The following DDX46 variants were observed in gnomAD, a reference collection of about 807,000 sequenced individuals.
DDX46 encodes DEAD-box helicase 46.
In DDX46, 30 loss-of-function variants were observed where a neutral mutation model predicts 134.9. The ratio of observed to expected loss-of-function variants is 0.22; its 90% CI spans 0.17 to 0.30. The LOEUF (loss-of-function observed/expected upper bound fraction) is 0.30, where lower values mean the gene tolerates loss of function less well. DDX46 is among the 10% of genes least tolerant of loss of function. DDX46 has a pLI of 1.00. For missense variants in DDX46, 622 were observed against 1,248.7 expected, an observed-to-expected ratio of 0.50 and a Z score of 7.56; for synonymous variants, 415 against 404.1, an observed-to-expected ratio of 1.03 and a Z score of -0.32.
chr5:134,785,354 C>A, intron 10 of DDX46, 111 bp from the exon 11 acceptor site: 1 of 1,339,764 alleles, frequency 7.5e-7, no homozygotes, highest in Non-Finnish European at 9.7e-7. Flanking sequence ...CATAACAAAA[C>A]AAAAATTAGG....
chr5:134,787,508 TTTG>T (rs1754374833), intron 11 of DDX46, among the ~76,000 whole-genome samples: 2 of 152,252 alleles, frequency 1.3e-5, no homozygotes, highest in South Asian at 2.1e-4. Context: ...AATATTTGCT[TTTG>T]TTAACTCCAG....
intron 22 of DDX46, among the ~76,000 whole-genome samples, chr5:134,827,337 C>T (rs1000443401): frequency 3.3e-5 from 5 of 151,744 alleles, no homozygotes; most frequent in African/African-American, 9.7e-5. Context: ...TGCAGTGGCA[C>T]GATCTCGGCT....
At chr5:134,820,859 CTTTTCTT>C (rs1430612866) in intron 21 of DDX46, among the ~76,000 whole-genome samples, 230 of 136,970 alleles carry the variant, frequency 1.7e-3, no homozygotes, top group African/African-American at 6.2e-3. Flanking sequence ...CTTTTCTTTT[CTTTTCTT>C]TTTTTTTTTT....
intron 4 of DDX46, among the ~76,000 whole-genome samples, chr5:134,772,346 A>T (rs1753799146): frequency 6.6e-6 from 1 of 151,872 alleles, no homozygotes; most frequent in Non-Finnish European, 1.5e-5. Flanking sequence ...CCATGGTGAA[A>T]CCCTGTCTCT....
intron 15 of DDX46, 52 bp from the exon 16 acceptor site, chr5:134,807,696 A>G: frequency 6.6e-7 from 1 of 1,516,058 alleles, no homozygotes; most frequent in African/African-American, 1.4e-5. Context: ...TGGTCAGAAG[A>G]CATGGAAAAT....
chr5:134,781,344 G>C, intron 7 of DDX46, 98 bp downstream of exon 7: 4 of 904,412 alleles, frequency 4.4e-6, no homozygotes, highest in Non-Finnish European at 6.8e-6. Flanking sequence ...TGTGAGCTAG[G>C]AGAAATTCCC....
intron 18 of DDX46, among the ~76,000 whole-genome samples, chr5:134,814,762 T>C (rs1755240042): frequency 6.6e-6 from 1 of 152,154 alleles, no homozygotes; most frequent in African/African-American, 2.4e-5. Flanking sequence ...ACTACAGGCA[T>C]GTGCCACCAT....
In DDX46 at chr5:134,817,550, C is replaced by T; in HGVS notation, c.2668C>T (p.Pro890Ser). ...AILRGGTILA[P>S]TVSAKTIAEQ... ...TCTTAGGGGTGGCACCATTCTGGCTCCCACTGTTTCTGCAAAAACCATTGC... is the reference window on the plus strand; with the variant it reads ...TCTTAGGGGTGGCACCATTCTGGCTTCCACTGTTTCTGCAAAAACCATTGC... The change falls in exon 20 of 23, where the codon CCC becomes TCC. Residue 890 changes from proline to serine, a missense_variant. Coordinates refer to ENST00000452510, the MANE Select transcript of DDX46 (RefSeq NM_001300860.2). The T allele has an allele frequency of 1.2e-6, 2 of 1,614,086 alleles. No homozygotes were observed. The highest frequency in any genetic ancestry group is 1.7e-6 in the Non-Finnish European group (2 of 1,180,024).
chr5:134,807,220 C>T (rs955896382), intron 15 of DDX46, among the ~76,000 whole-genome samples: 30 of 148,636 alleles, frequency 2.0e-4, no homozygotes, highest in South Asian at 1.1e-3. Context: ...CGGGGTTTCA[C>T]CATGTTGGTC....
At position 134,758,819 on chromosome 5, in the gene DDX46, A is replaced by G; in HGVS notation, c.-120A>G. 1 of 1,478,186 alleles carries G rather than the reference A, an allele frequency of 6.8e-7. No homozygotes were observed. Among genetic ancestry groups the G allele is most frequent in the Non-Finnish European group, 9.4e-7 (1 of 1,063,468 alleles). 91.6% of individuals were successfully genotyped at this position (1,478,186 alleles called of 1,614,324 possible). On this transcript the variant is annotated 5_prime_UTR_variant, in exon 1 of 23. Coordinates refer to ENST00000452510, the MANE Select transcript of DDX46 (RefSeq NM_001300860.2). ...GCGCTGGGATGGCCGCCACAGCTGT[A>G]GGTGCTGCTAGTGTTTAGCGCTGGT...
At chr5:134,779,397 T>C (rs933226725) in intron 6 of DDX46, among the ~76,000 whole-genome samples, 23 of 152,214 alleles carry the variant, frequency 1.5e-4, no homozygotes, top group African/African-American at 5.3e-4. Flanking sequence ...TTTCACCATG[T>C]TGGCCATGCT....
chr5:134,776,204 A>G (rs1213015341), intron 5 of DDX46, among the ~76,000 whole-genome samples: 3 of 151,880 alleles, frequency 2.0e-5, no homozygotes, highest in Admixed American at 2.0e-4. Context: ...ATCCTGGCCA[A>G]CATGGTGAAA....
intron 18 of DDX46, 100 bp downstream of exon 18, chr5:134,811,945 C>T (rs1387598643): frequency 7.0e-7 from 1 of 1,421,684 alleles, no homozygotes; most frequent in Non-Finnish European, 9.3e-7. Context: ...TCACTGGAAA[C>T]CTTTACAAGA....
chr5:134,820,461 C>T (rs1288428647), intron 21 of DDX46, among the ~76,000 whole-genome samples: 1 of 152,162 alleles, frequency 6.6e-6, no homozygotes, highest in Non-Finnish European at 1.5e-5. Flanking sequence ...CTTCAGGTTT[C>T]ACGCGATTCT....
At chr5:134,812,140 C>T (rs1755163539) in intron 18 of DDX46, among the ~76,000 whole-genome samples, 1 of 143,214 alleles carries the variant, frequency 7.0e-6, no homozygotes, top group South Asian at 2.4e-4. Flanking sequence ...TCTCCATTCA[C>T]TGTAACCTCC....
intron 15 of DDX46, among the ~76,000 whole-genome samples, chr5:134,805,369 T>C (rs1222140898): frequency 2.0e-5 from 3 of 151,992 alleles, no homozygotes; most frequent in African/African-American, 7.2e-5. Flanking sequence ...AGTTTCACCA[T>C]GTTCACTAGG....
intron 4 of DDX46, 40 bp from the exon 5 acceptor site, chr5:134,773,656 T>A (rs1753843890): frequency 1.9e-6 from 3 of 1,542,296 alleles, no homozygotes; most frequent in Non-Finnish European, 2.6e-6. Context: ...GTTTTGCTTT[T>A]TATTTTCCCC....
rs1753279829 is a variant in DDX46 at position 134,758,809 on chromosome 5, CCA to C, written c.-127_-126del. The stretch of plus-strand genomic sequence containing the variant: ...TTCGTTGGCCGCGCTGGGATGGCCG[CCA>C]CAGCTGTAGGTGCTGCTAGTGTTTA... On this transcript the variant is annotated 5_prime_UTR_variant, in exon 1 of 23. It introduces an in-frame stop codon into an upstream open reading frame of the 5' UTR. Transcript: ENST00000452510. The C allele has an allele frequency of 2.9e-5, 42 of 1,446,416 alleles. No individual in the cohort carries two copies. The South Asian group carries it at 3.4e-4, about 12-fold the overall frequency. 89.6% of individuals were successfully genotyped at this position (1,446,416 alleles called of 1,614,324 possible).
chr5:134,808,855 T>G (rs1253474748), intron 16 of DDX46, among the ~76,000 whole-genome samples: 1 of 152,242 alleles, frequency 6.6e-6, no homozygotes, highest in Non-Finnish European at 1.5e-5. Context: ...ATAAGTAGTA[T>G]TTATATGCCA....
Sources: allele counts gnomAD v4.1 joint callset (sites outside exome capture counted in the v4.1 genomes callset), GRCh38; gene constraint gnomAD v4.1.1; transcripts MANE v1.5; gene names NCBI Gene and HGNC (gene_info 2026-07-23, HGNC 2026-07-21).